Variants in CAMK4 observed in about 807,000 individuals in gnomAD.
CAMK4 encodes calcium/calmodulin-dependent protein kinase type IV.
Under a neutral mutation model 44.9 loss-of-function variants are expected in CAMK4, and 22 were observed. The ratio of observed to expected loss-of-function variants is 0.49; its 90% CI spans 0.35 to 0.70. The LOEUF (loss-of-function observed/expected upper bound fraction) is 0.70, where lower values mean the gene tolerates loss of function less well. Ranked by LOEUF, CAMK4 falls within the 30% of genes least tolerant of loss-of-function variation. The probability of loss-of-function intolerance (pLI) is 0.01; values close to 1 mark genes in which losing one functional copy is unlikely to be tolerated. For synonymous variants in CAMK4, 218 were observed against 215.4 expected (o/e 1.01, Z -0.11); for missense variants, 498 against 586.8 (o/e 0.85, Z 1.56).
At chr5:111,394,828 C>A in intron 5 of CAMK4, 46 bp downstream of exon 5, 1 of 1,158,780 alleles carries the variant, frequency 8.6e-7, no homozygotes, top group South Asian at 1.3e-5. Flanking sequence ...GTCATCTCTT[C>A]CTTTTACAGA....
chr5:111,276,105 T>G (rs1457331572), intron 1 of CAMK4, among the ~76,000 whole-genome samples: 7 of 152,190 alleles, frequency 4.6e-5, no homozygotes. Flanking sequence ...GGCTAATGCT[T>G]TTATTTAGGT....
At chr5:111,343,633 A>T (rs1176635934) in intron 1 of CAMK4, among the ~76,000 whole-genome samples, 1 of 151,728 alleles carries the variant, frequency 6.6e-6, no homozygotes, top group Non-Finnish European at 1.5e-5. Flanking sequence ...CTCTCCCTGA[A>T]GTCATATGGT....
At chr5:111,426,039 C>A (rs554153072) in intron 5 of CAMK4, among the ~76,000 whole-genome samples, 44 of 151,930 alleles carry the variant, frequency 2.9e-4, no homozygotes, top group Non-Finnish European at 5.9e-4. Context: ...ATTAATATAT[C>A]TTATATTCAT....
At chr5:111,292,907 G>T (rs1464062182) in intron 1 of CAMK4, among the ~76,000 whole-genome samples, 2 of 152,088 alleles carry the variant, frequency 1.3e-5, no homozygotes, top group Non-Finnish European at 2.9e-5. Context: ...CTTCAGCCTG[G>T]GTGACAGAGA....
chr5:111,427,298 T>G (rs1049804806), intron 5 of CAMK4, among the ~76,000 whole-genome samples: 12 of 152,096 alleles, frequency 7.9e-5, no homozygotes, highest in African/African-American at 2.9e-4. Flanking sequence ...CTGGCAGTAT[T>G]CATCACCTGC....
chr5:111,225,159 G>A (rs1748125861), intron 1 of CAMK4, among the ~76,000 whole-genome samples: 1 of 152,202 alleles, frequency 6.6e-6, no homozygotes, highest in Non-Finnish European at 1.5e-5. Context: ...CAGGAGTGAA[G>A]GGAGAAATGA....
At chr5:111,472,177 GAGCCACTGT>G (rs1432806981) in intron 7 of CAMK4, among the ~76,000 whole-genome samples, 1 of 152,094 alleles carries the variant, frequency 6.6e-6, no homozygotes, top group Non-Finnish European at 1.5e-5. Context: ...TTACAGGTGT[GAGCCACTGT>G]GCCCAGCCCC....
At chr5:111,244,757 G>A (rs4957605) in intron 1 of CAMK4, among the ~76,000 whole-genome samples, 79,819 of 151,774 alleles carry the variant, frequency 0.53, 21,291 homozygotes, top group Non-Finnish European at 0.57. Flanking sequence ...GCTACTTGGG[G>A]GGCTGAGGCA....
rs535744953 is a variant in CAMK4 at position 111,453,606 on chromosome 5, C to A, written c.625+4403C>A. Reference sequence around the variant, plus strand: ...ATTTACGCAGAGACTGTTTTATATTCTTTTATGGCCACAAGAGGAGACAGA... The same window carrying A: ...ATTTACGCAGAGACTGTTTTATATTATTTTATGGCCACAAGAGGAGACAGA... On this transcript the variant is annotated intron_variant, in intron 7 of 10. Transcript: ENST00000282356. Among the ~76,000 whole-genome samples, 21 of 151,992 alleles carry A rather than the reference C, an allele frequency of 1.4e-4. 1 individual carries two copies. The South Asian group carries it at 4.4e-3, about 32-fold the overall frequency.
intron 5 of CAMK4, among the ~76,000 whole-genome samples, chr5:111,423,098 G>A (rs1401876990): frequency 6.6e-6 from 1 of 152,138 alleles, no homozygotes; most frequent in Non-Finnish European, 1.5e-5. Flanking sequence ...AGCATTTTGA[G>A]TGCTGGGAAT....
chr5:111,473,553 C>T (rs904962786), intron 8 of CAMK4, among the ~76,000 whole-genome samples, 167 bp downstream of exon 8: 1 of 152,092 alleles, frequency 6.6e-6, no homozygotes, highest in African/African-American at 2.4e-5. Flanking sequence ...ATGAACATTG[C>T]TTTTTATTTT....
intron 1 of CAMK4, among the ~76,000 whole-genome samples, chr5:111,227,750 G>A (rs536790959): frequency 3.9e-5 from 6 of 152,204 alleles, no homozygotes; most frequent in Non-Finnish European, 8.8e-5. Context: ...TAGGGGTTAC[G>A]GGTGAATTAA....
At chr5:111,233,529 C>A (rs1748570586) in intron 1 of CAMK4, among the ~76,000 whole-genome samples, 1 of 152,170 alleles carries the variant, frequency 6.6e-6, no homozygotes, top group Admixed American at 6.5e-5. Context: ...ATACCGTGAA[C>A]AATGTTCATA....
intron 1 of CAMK4, among the ~76,000 whole-genome samples, chr5:111,309,233 C>G (rs1212842987): frequency 6.6e-6 from 1 of 152,180 alleles, no homozygotes; most frequent in Non-Finnish European, 1.5e-5. Flanking sequence ...GTACACCAAA[C>G]CAAATGCCTC....
At chr5:111,328,684 C>T (rs1749014238) in intron 1 of CAMK4, among the ~76,000 whole-genome samples, 3 of 152,072 alleles carry the variant, frequency 2.0e-5, no homozygotes, top group Non-Finnish European at 4.4e-5. Flanking sequence ...TCTTTTATTT[C>T]CTTGAGCAGA....
At chr5:111,335,243 A>G (rs933229959) in intron 1 of CAMK4, among the ~76,000 whole-genome samples, 1 of 151,516 alleles carries the variant, frequency 6.6e-6, no homozygotes, top group Non-Finnish European at 1.5e-5. Flanking sequence ...TTTCTGATTT[A>G]TAACCTCCCT....
At chr5:111,435,473 T>G (rs1753612832) in intron 5 of CAMK4, among the ~76,000 whole-genome samples, 1 of 152,186 alleles carries the variant, frequency 6.6e-6, no homozygotes, top group South Asian at 2.1e-4. Flanking sequence ...AGAGCTCACC[T>G]CTTTGCCTGA....
chr5:111,261,649 C>T (rs900075782), intron 1 of CAMK4, among the ~76,000 whole-genome samples: 3 of 151,396 alleles, frequency 2.0e-5, no homozygotes, highest in Non-Finnish European at 4.4e-5. Flanking sequence ...TTTAGTGTCA[C>T]GTTTATCATG....
intron 5 of CAMK4, among the ~76,000 whole-genome samples, chr5:111,439,782 G>C (rs1282031964): frequency 6.6e-6 from 1 of 152,130 alleles, no homozygotes; most frequent in Non-Finnish European, 1.5e-5. Context: ...TAAGCAAGTG[G>C]AAGACCTGGA....
Sources: allele counts gnomAD v4.1 joint callset (sites outside exome capture counted in the v4.1 genomes callset), GRCh38; gene constraint gnomAD v4.1.1; transcripts MANE v1.5; gene names NCBI Gene and HGNC (gene_info 2026-07-23, HGNC 2026-07-21).